Variants in OTULIN observed in about 807,000 individuals in gnomAD.
OTULIN encodes the protein OTU deubiquitinase with linear linkage specificity.
In OTULIN, 15 loss-of-function variants were observed where a neutral mutation model predicts 39.6. That is an observed-to-expected ratio of 0.38 (90% CI 0.25 to 0.58). The LOEUF is 0.58. Among genes scored for constraint, OTULIN ranks in the 20% least tolerant of loss-of-function variants. The pLI, the probability that OTULIN is intolerant of heterozygous loss-of-function variation, is 0.66. For synonymous variants in OTULIN, 156 were observed against 170.3 expected (o/e 0.92, Z 0.65); for missense variants, 319 against 445.9 (o/e 0.72, Z 2.56).
chr5:14,708,762 C>CTGTG, the OTULIN span: 2 of 152,220 alleles, frequency 1.3e-5, no homozygotes, highest in East Asian at 1.9e-4. Flanking sequence ...GCATTGCTTC[C>CTGTG]TGTGTTCTCA....
intron 6 of OTULIN, among the ~76,000 whole-genome samples, chr5:14,692,151 CTGTT>C (rs1280307567): frequency 6.6e-6 from 1 of 152,196 alleles, no homozygotes; most frequent in Non-Finnish European, 1.5e-5. Flanking sequence ...AACTGCCAGA[CTGTT>C]TGCAAAGCAG....
At chr5:14,672,893 A>C (rs1736013676) in intron 1 of OTULIN, among the ~76,000 whole-genome samples, 1 of 152,186 alleles carries the variant, frequency 6.6e-6, no homozygotes, top group South Asian at 2.1e-4. Context: ...TTTTGGGGTG[A>C]ATCTTGGGGG....
intron 5 of OTULIN, 51 bp downstream of exon 5, chr5:14,687,697 CT>C: frequency 1.3e-6 from 2 of 1,524,626 alleles, no homozygotes; most frequent in Non-Finnish European, 8.8e-7. Flanking sequence ...CTCGTTCTTG[CT>C]TGCCCCAGAA....
At chr5:14,705,229 G>C in the OTULIN span, 1 of 152,056 alleles carries the variant, frequency 6.6e-6, no homozygotes, top group South Asian at 2.1e-4. Context: ...CAAACCTATG[G>C]GCTGACAGCC....
chr5:14,665,281 A>G (rs1735804995), intron 1 of OTULIN, among the ~76,000 whole-genome samples: 1 of 152,162 alleles, frequency 6.6e-6, no homozygotes. Context: ...GAAGTGATGT[A>G]TTTTATTACT....
the OTULIN span, chr5:14,705,571 C>T: frequency 1.3e-5 from 2 of 152,280 alleles, no homozygotes; most frequent in Non-Finnish European, 2.9e-5. Context: ...CTCTTGTCCA[C>T]TTTCCCGAAG....
the OTULIN span, among the ~76,000 whole-genome samples, chr5:14,714,044 T>C: frequency 6.6e-6 from 1 of 152,222 alleles, no homozygotes; most frequent in Non-Finnish European, 1.5e-5. Flanking sequence ...GGCACTCTAG[T>C]GTGATGCTGC....
downstream of OTULIN, among the ~76,000 whole-genome samples, chr5:14,701,947 G>C (rs1736803960): frequency 6.6e-6 from 1 of 152,192 alleles, no homozygotes; most frequent in Non-Finnish European, 1.5e-5. Context: ...GGGTGTGTGG[G>C]TTGTGTGATG....
Position 14,695,991 on chromosome 5 carries a change from ATG to A in OTULIN, c.*2945_*2946del, listed in dbSNP as rs1419363700. The A allele has an allele frequency of 2.3e-5, 2 of 85,166 alleles. No homozygotes were observed. Among genetic ancestry groups the A allele is most frequent in the South Asian group, 5.5e-4 (1 of 1,822 alleles). 5.3% of individuals were successfully genotyped at this position (85,166 alleles called of 1,614,324 possible). ...TAAGGAGAACGGACATTGCCTTGGT[ATG>A]TTTTTTTTTTTTTTTCCCTCCACTT... On this transcript the variant is annotated 3_prime_UTR_variant, in exon 7 of 7. Coordinates refer to ENST00000284274, the MANE Select transcript of OTULIN (RefSeq NM_138348.6).
At chr5:14,704,638 G>A (rs956720316), downstream of OTULIN, among the ~76,000 whole-genome samples, 1 of 152,178 alleles carries the variant, frequency 6.6e-6, no homozygotes, top group African/African-American at 2.4e-5. Flanking sequence ...TTTCCCAGTG[G>A]TTAGAAGTTT....
At position 14,690,828 on chromosome 5, in the gene OTULIN, A is replaced by C. The variant is rs1470133372; in HGVS notation, c.864+520A>C. Among the ~76,000 whole-genome samples the C allele has an allele frequency of 2.0e-5, 3 of 152,334 alleles. No individual in the cohort carries two copies. The highest frequency in any genetic ancestry group is 3.4e-3 in the Middle Eastern group (1 of 294). ...AGGGGTACCAAAGAATTGTGGACAT[A>C]CTTTACAGTCACCACCGTTATCTCA... On this transcript the variant is annotated intron_variant, in intron 6 of 6. Coordinates refer to ENST00000284274, the MANE Select transcript of OTULIN (RefSeq NM_138348.6). This position sits in a 1 kb window ranked among gnomAD's most constrained non-coding sequence, Gnocchi z 4.5.
At chr5:14,666,044 G>T (rs967690230) in intron 1 of OTULIN, among the ~76,000 whole-genome samples, 5 of 152,174 alleles carry the variant, frequency 3.3e-5, no homozygotes, top group Admixed American at 3.3e-4. Context: ...TAAATAGAGG[G>T]TCTCTTGCCC....
At chr5:14,716,239 C>T in the OTULIN span, among the ~76,000 whole-genome samples, 4 of 152,078 alleles carry the variant, frequency 2.6e-5, no homozygotes, top group African/African-American at 9.7e-5. Context: ...CAGTGGCTCA[C>T]GCCTGTAATC....
intron 2 of OTULIN, among the ~76,000 whole-genome samples, chr5:14,674,522 G>T (rs933743344): frequency 1.3e-5 from 2 of 152,210 alleles, no homozygotes; most frequent in Non-Finnish European, 2.9e-5. Context: ...TGGGGAGGCC[G>T]AGGCGGGCGG....
At chr5:14,683,255 T>C (rs1156506025) in intron 4 of OTULIN, among the ~76,000 whole-genome samples, 1 of 151,690 alleles carries the variant, frequency 6.6e-6, no homozygotes, top group Admixed American at 6.6e-5. Flanking sequence ...TATTGGGGAG[T>C]CTATTAAAAA....
chr5:14,679,722 C>T (rs1030454043), intron 3 of OTULIN, among the ~76,000 whole-genome samples: 1 of 152,170 alleles, frequency 6.6e-6, no homozygotes, highest in Non-Finnish European at 1.5e-5. Context: ...ACCTCAGCTG[C>T]CCATGGGCTG....
At chr5:14,686,592 T>C (rs1736393685) in intron 4 of OTULIN, among the ~76,000 whole-genome samples, 1 of 152,254 alleles carries the variant, frequency 6.6e-6, no homozygotes, top group African/African-American at 2.4e-5. Context: ...TAATTATTCT[T>C]TAATGATCTG....
intron 1 of OTULIN, among the ~76,000 whole-genome samples, chr5:14,669,715 G>C (rs1261389119): frequency 6.6e-6 from 1 of 152,180 alleles, no homozygotes; most frequent in East Asian, 1.9e-4. Context: ...AAGCTGCAGT[G>C]AGCTGTGGTT....
intron 4 of OTULIN, among the ~76,000 whole-genome samples, chr5:14,685,835 T>C (rs890434216): frequency 6.6e-6 from 1 of 151,914 alleles, no homozygotes; most frequent in African/African-American, 2.4e-5. Flanking sequence ...TGTAGTTCTT[T>C]GTGCCCAATT....
Sources: allele counts gnomAD v4.1 joint callset (sites outside exome capture counted in the v4.1 genomes callset), GRCh38; gene constraint gnomAD v4.1.1; non-coding constraint Gnocchi (gnomAD v3.1); transcripts MANE v1.5; gene names NCBI Gene and HGNC (gene_info 2026-07-23, HGNC 2026-07-21).